The following MAN1A1 variants were observed in gnomAD, a reference collection of about 807,000 sequenced individuals.
MAN1A1 encodes the protein mannosyl-oligosaccharide 1,2-alpha-mannosidase IA.
MAN1A1 carries 29 observed loss-of-function variants against 70.8 expected under a neutral mutation model. That is an observed-to-expected ratio of 0.41 (90% CI 0.31 to 0.56). The LOEUF (loss-of-function observed/expected upper bound fraction) is 0.56. Ranked by LOEUF, MAN1A1 falls within the 20% of genes least tolerant of loss-of-function variation. The probability of loss-of-function intolerance (pLI) is 0.29; values close to 1 mark genes in which losing one functional copy is unlikely to be tolerated. For missense variants in MAN1A1, 747 were observed against 841.3 expected (o/e 0.89, Z 1.39); for synonymous variants, 349 against 330.1 (o/e 1.06, Z -0.62).
chr6:119,195,633 T>G (rs1773549479), intron 8 of MAN1A1, among the ~76,000 whole-genome samples: 2 of 152,194 alleles, frequency 1.3e-5, no homozygotes, highest in South Asian at 4.1e-4. Context: ...CCAGACCTAT[T>G]ATGTTTCCCA....
chr6:119,331,693 C>T (rs1347195349), intron 2 of MAN1A1, among the ~76,000 whole-genome samples: 14 of 151,366 alleles, frequency 9.2e-5, no homozygotes, highest in Admixed American at 8.6e-4. Context: ...TCCAAACAAA[C>T]TGAGCATTGG....
In MAN1A1 at chr6:119,200,486, T is replaced by A. The variant is rs1469697699; in HGVS notation, c.1210+768A>T. On this transcript the variant is annotated intron_variant, in intron 8 of 12. Coordinates refer to ENST00000368468, the MANE Select transcript of MAN1A1 (RefSeq NM_005907.4). Reference sequence around the variant, plus strand: ...TAATGAGGTATCTAAGAACATGATATTAAAATATAAAGAAAAAACCCAAAT... The same window carrying A: ...TAATGAGGTATCTAAGAACATGATAATAAAATATAAAGAAAAAACCCAAAT... 2.0e-5 allele frequency among the ~76,000 whole-genome samples: 3 copies of A among 152,316 alleles called. No homozygotes were observed. The East Asian group carries it at 5.8e-4, about 29-fold the overall frequency.
intron 6 of MAN1A1, among the ~76,000 whole-genome samples, chr6:119,213,246 AAAAC>A (rs1477926947): frequency 6.6e-6 from 1 of 152,216 alleles, no homozygotes; most frequent in Non-Finnish European, 1.5e-5. Context: ...GCTTGTGATA[AAAAC>A]AAACAGATTC....
chr6:119,247,939 T>A (rs539124531), intron 6 of MAN1A1, among the ~76,000 whole-genome samples: 1 of 152,350 alleles, frequency 6.6e-6, no homozygotes, highest in East Asian at 1.9e-4. Context: ...TTGATGACAA[T>A]TAAAAGATAA....
At chr6:119,292,329 G>GGACTCACA (rs1437196931) in intron 4 of MAN1A1, among the ~76,000 whole-genome samples, 2 of 151,584 alleles carry the variant, frequency 1.3e-5, no homozygotes, top group African/African-American at 4.8e-5. Flanking sequence ...AATAATCATG[G>GGACTCACA]GACTCACAGC....
At chr6:119,345,682 CA>C (rs780715908) in intron 2 of MAN1A1, among the ~76,000 whole-genome samples, 3 of 152,180 alleles carry the variant, frequency 2.0e-5, no homozygotes, top group African/African-American at 4.8e-5. Context: ...GAACCAAGTA[CA>C]AAATAACAGG....
rs569761685 is a variant in MAN1A1, at chr6:119,331,278, CCTCA to C, written c.603+17181_603+17184del. Among the ~76,000 whole-genome samples the C allele has an allele frequency of 3.0e-3, 459 of 152,098 alleles. 1 individual carries two copies. The highest frequency in any genetic ancestry group is 0.011 in the African/African-American group (440 of 41,498). On this transcript the variant is annotated intron_variant, in intron 2 of 12. Transcript: ENST00000368468. ...TCATAGAATTCTTTTTGGTGATATA[CCTCA>C]CTGTGAATTTAAAATTCATACTGCA... is the stretch of plus-strand genomic sequence containing the variant.
chr6:119,277,343 TA>T (rs1266796269), intron 5 of MAN1A1, among the ~76,000 whole-genome samples: 1 of 152,008 alleles, frequency 6.6e-6, no homozygotes, highest in Non-Finnish European at 1.5e-5. Context: ...GAAAAAAACT[TA>T]AAAAAATACA....
At chr6:119,236,314 C>T (rs1429770653) in intron 6 of MAN1A1, among the ~76,000 whole-genome samples, 1 of 152,134 alleles carries the variant, frequency 6.6e-6, no homozygotes, top group Non-Finnish European at 1.5e-5. Context: ...TGCTCATTGA[C>T]AATGCACCTG....
intron 5 of MAN1A1, among the ~76,000 whole-genome samples, chr6:119,259,119 T>A (rs1473878361): frequency 6.6e-6 from 1 of 152,232 alleles, no homozygotes; most frequent in African/African-American, 2.4e-5. Flanking sequence ...TGAGCTTTCA[T>A]GTCTGCTTTC....
intron 2 of MAN1A1, among the ~76,000 whole-genome samples, chr6:119,342,229 T>C (rs1180111477): frequency 6.6e-6 from 1 of 152,218 alleles, no homozygotes; most frequent in Non-Finnish European, 1.5e-5. Context: ...ATCTTTTTGA[T>C]GAACTGGAAA....
Position 119,248,343 on chromosome 6 carries a change from C to T in MAN1A1, c.909G>A (p.Lys303=). Residue 303 remains lysine, a synonymous_variant, in exon 6 of 13, where the codon AAG becomes AAA. Transcript: ENST00000368468. ...ATTTTACCCCAAGTTCCACTGCTTT[C>T]TTTCGAAAAATCTGAAAAGTCAAAC... The part of the protein sequence containing the change: ...YYLSGEEIFR[K]KAVELGVKLL... 1 of 1,609,326 alleles carries T rather than the reference C, an allele frequency of 6.2e-7. No individual in the cohort carries two copies. The highest frequency in any genetic ancestry group is 1.1e-5 in the South Asian group (1 of 90,942).
chr6:119,183,841 C>A (rs896697259), intron 11 of MAN1A1, among the ~76,000 whole-genome samples: 2 of 152,090 alleles, frequency 1.3e-5, no homozygotes, highest in African/African-American at 4.8e-5. Context: ...ACCCCCTTAT[C>A]AGTGGCCCCA....
At chr6:119,232,679 A>ATATGTG (rs3220224) in intron 6 of MAN1A1, among the ~76,000 whole-genome samples, 5 of 143,396 alleles carry the variant, frequency 3.5e-5, no homozygotes, top group Non-Finnish European at 7.6e-5. Flanking sequence ...ACACATATAT[A>ATATGTG]TGTGTGTGTG....
intron 5 of MAN1A1, among the ~76,000 whole-genome samples, chr6:119,261,275 C>T (rs1396371242): frequency 1.3e-5 from 2 of 152,054 alleles, no homozygotes; most frequent in Non-Finnish European, 2.9e-5. Context: ...CACTGCGCCC[C>T]GCCTATTGCT....
chr6:119,297,335 T>G (rs1370318237), intron 4 of MAN1A1, among the ~76,000 whole-genome samples: 4 of 152,180 alleles, frequency 2.6e-5, no homozygotes, highest in Non-Finnish European at 4.4e-5. Context: ...GCACAGACTG[T>G]CAGGAAGTAG....
At chr6:119,262,469 T>A (rs1004476611) in intron 5 of MAN1A1, among the ~76,000 whole-genome samples, 20 of 150,044 alleles carry the variant, frequency 1.3e-4, no homozygotes, top group South Asian at 2.1e-4. Flanking sequence ...AAAAAAAAAA[T>A]AAATAAATAA....
intron 5 of MAN1A1, among the ~76,000 whole-genome samples, chr6:119,266,924 A>T (rs1775773654): frequency 6.6e-6 from 1 of 152,246 alleles, no homozygotes; most frequent in Non-Finnish European, 1.5e-5. Context: ...AAATGGGACA[A>T]AGATCTTAAT....
intron 3 of MAN1A1, among the ~76,000 whole-genome samples, chr6:119,303,742 G>A (rs527780837): frequency 1.3e-5 from 2 of 152,064 alleles, no homozygotes; most frequent in East Asian, 1.9e-4. Context: ...TATGTCAGCC[G>A]CACTCCAGGT....
Sources: allele counts gnomAD v4.1 joint callset (sites outside exome capture counted in the v4.1 genomes callset), GRCh38; gene constraint gnomAD v4.1.1; transcripts MANE v1.5; gene names NCBI Gene and HGNC (gene_info 2026-07-23, HGNC 2026-07-21).